Variants in PARP12 observed in about 807,000 individuals in gnomAD.
PARP12 encodes the protein protein mono-ADP-ribosyltransferase PARP12.
A neutral mutation model predicts 72.4 loss-of-function variants in PARP12; 59 were observed. The observed-to-expected ratio is 0.81, with a 90% CI of 0.66 to 1.01. The LOEUF is 1.01. Among genes scored for constraint, PARP12 ranks in the 50% least tolerant of loss-of-function variants. The pLI is 0.00. For missense variants in PARP12, 851 were observed against 914.0 expected (o/e 0.93, Z 0.89); for synonymous variants, 403 against 371.4 (o/e 1.09, Z -0.98).
At chr7:140,031,470 T>C (rs1035275382) in intron 8 of PARP12, among the ~76,000 whole-genome samples, 1 of 152,224 alleles carries the variant, frequency 6.6e-6, no homozygotes, top group African/African-American at 2.4e-5. Context: ...ACCTCATTAA[T>C]TGTGTAAACA....
At chr7:140,050,676 G>A (rs1168920512) in intron 4 of PARP12, among the ~76,000 whole-genome samples, 1 of 152,166 alleles carries the variant, frequency 6.6e-6, no homozygotes, top group Non-Finnish European at 1.5e-5. Flanking sequence ...AGAGTTAAGA[G>A]AACAAGTATT....
At chr7:140,044,373 C>T (rs372037995) in intron 5 of PARP12, among the ~76,000 whole-genome samples, 1 of 151,968 alleles carries the variant, frequency 6.6e-6, no homozygotes, top group Non-Finnish European at 1.5e-5. Flanking sequence ...CCTTTTAAGA[C>T]GAGGGAAATT....
chr7:140,026,018 A>C (rs1385279004), intron 11 of PARP12, among the ~76,000 whole-genome samples, 179 bp downstream of exon 11: 1 of 152,230 alleles, frequency 6.6e-6, no homozygotes, highest in Non-Finnish European at 1.5e-5. Flanking sequence ...CAAGCTCCTG[A>C]CCATGCCCAG....
intron 6 of PARP12, among the ~76,000 whole-genome samples, chr7:140,039,999 G>A (rs1017146641): frequency 1.3e-5 from 2 of 152,218 alleles, no homozygotes; most frequent in African/African-American, 4.8e-5. Flanking sequence ...AACCAGAGCT[G>A]TGATGAGACA....
At chr7:140,030,265 T>C (rs1261982568) in intron 8 of PARP12, among the ~76,000 whole-genome samples, 2 of 152,188 alleles carry the variant, frequency 1.3e-5, no homozygotes, top group Non-Finnish European at 2.9e-5. Context: ...CCCAAAATTC[T>C]ATACCCAGTG....
intron 2 of PARP12, 41 bp downstream of exon 2, chr7:140,057,858 C>T: frequency 2.5e-6 from 4 of 1,611,824 alleles, no homozygotes; most frequent in Non-Finnish European, 3.4e-6. Context: ...ACAGGAATGT[C>T]CCCAGGGAGC....
intron 1 of PARP12, among the ~76,000 whole-genome samples, chr7:140,062,175 C>G (rs1024156411): frequency 2.6e-5 from 4 of 152,128 alleles, no homozygotes; most frequent in Non-Finnish European, 5.9e-5. Flanking sequence ...TCAAAGCTGG[C>G]AAGGGGCGAC....
At chr7:140,037,973 A>T (rs1261200050) in intron 6 of PARP12, 117 bp from the exon 7 acceptor site, 4 of 1,475,940 alleles carry the variant, frequency 2.7e-6, no homozygotes, top group Non-Finnish European at 3.6e-6. Context: ...TGTGGTGGGG[A>T]AGATGGAGGC....
Position 140,062,897 on chromosome 7 carries a change from C to T in PARP12, c.-50G>A. On this transcript the variant is annotated 5_prime_UTR_variant, in exon 1 of 12. Coordinates refer to ENST00000263549, the MANE Select transcript of PARP12 (RefSeq NM_022750.4). ...ACCGCGGGTGGCGCGACGCGGACGGCGGCGGACGCTGGCTGGCGGGCGGCT... is the reference window on the plus strand; with the variant it reads ...ACCGCGGGTGGCGCGACGCGGACGGTGGCGGACGCTGGCTGGCGGGCGGCT... The T allele has an allele frequency of 1.6e-6, 2 of 1,217,054 alleles. No homozygotes were observed. The highest frequency in any genetic ancestry group is 2.0e-6 in the Non-Finnish European group (2 of 976,666). 75.4% of individuals were successfully genotyped at this position (1,217,054 alleles called of 1,614,324 possible). A position where few individuals can be genotyped will look rare whatever the true frequency, so the allele number is the denominator to read the frequency against.
intron 11 of PARP12, among the ~76,000 whole-genome samples, chr7:140,025,943 G>A (rs1321203180): frequency 6.6e-6 from 1 of 152,212 alleles, no homozygotes; most frequent in Non-Finnish European, 1.5e-5. Context: ...CCATCTCCCA[G>A]GGCCTCTGCT....
At chr7:140,056,521 C>T (rs1275268107) in intron 3 of PARP12, among the ~76,000 whole-genome samples, 2 of 152,166 alleles carry the variant, frequency 1.3e-5, no homozygotes, top group Non-Finnish European at 2.9e-5. Flanking sequence ...GAAGAGCATG[C>T]TCTCGTGGGG....
chr7:140,034,613 A>C (rs976026232), intron 7 of PARP12: 6 of 219,322 alleles, frequency 2.7e-5, no homozygotes, highest in Non-Finnish European at 4.6e-5. Context: ...ATCTTGTTTA[A>C]ACCATTATTT....
intron 5 of PARP12, among the ~76,000 whole-genome samples, chr7:140,046,274 C>A (rs536119187): frequency 6.6e-6 from 1 of 152,254 alleles, no homozygotes; most frequent in African/African-American, 2.4e-5. Context: ...ACTCAAAAAG[C>A]AGGCTCAAAT....
chr7:140,043,468 C>G (rs1816581003), intron 5 of PARP12, among the ~76,000 whole-genome samples: 1 of 152,086 alleles, frequency 6.6e-6, no homozygotes, highest in African/African-American at 2.4e-5. Context: ...ATTCATTATT[C>G]TTTTCTTTCT....
chr7:140,035,798 T>C (rs1016228929), intron 7 of PARP12, among the ~76,000 whole-genome samples: 6 of 144,096 alleles, frequency 4.2e-5, no homozygotes, highest in Non-Finnish European at 8.9e-5. Flanking sequence ...AGCCAATTCA[T>C]CTCAAGCTTC....
intron 3 of PARP12, among the ~76,000 whole-genome samples, chr7:140,056,093 C>T (rs1817167087): frequency 6.6e-6 from 1 of 152,222 alleles, no homozygotes; most frequent in Non-Finnish European, 1.5e-5. Flanking sequence ...CAGCCAATGG[C>T]TGATACTGTG....
rs1585123695 is a variant in PARP12, at chr7:140,062,849, G to A, written c.-2C>T. 7.5e-6 allele frequency: 10 copies of A among 1,330,394 alleles called. No individual in the cohort carries two copies. Among genetic ancestry groups the A allele is most frequent in the East Asian group, 3.3e-5 (1 of 30,434 alleles). The allele number at this position is 1,330,394 out of a possible 1,614,324, so 82.4% of individuals were successfully genotyped here. On this transcript the variant is annotated 5_prime_UTR_variant, in exon 1 of 12. Coordinates refer to ENST00000263549, the MANE Select transcript of PARP12 (RefSeq NM_022750.4). Reference sequence around the variant, plus strand: ...ACCGACGACGCCGGCCTGGGCCATGGCCGCTGGGCCTGCTCCCGTCGGACC... The same window carrying A: ...ACCGACGACGCCGGCCTGGGCCATGACCGCTGGGCCTGCTCCCGTCGGACC...
chr7:140,028,672 C>A lies in PARP12; in HGVS notation c.1438G>T (p.Gly480Cys). ...CAATAGTCTGGGATGCTCTTCGGGC[C>A]TGGAAACTTGGTATTGCTACAAAAA... ...TMQTCNTKFPGPKSIPDYWDS... is the reference protein window; with the variant it reads ...TMQTCNTKFPCPKSIPDYWDS... Residue 480 changes from glycine (G) to cysteine (C), a missense_variant, in exon 9 of 12, where the codon GGC becomes TGC. Gly to Cys is a radical substitution (Grantham distance 159, BLOSUM62 -3). This residue lies in a region of PARP12 where 347 missense variants were observed against 396.1 expected (regional missense o/e 0.88). Coordinates refer to ENST00000263549, the MANE Select transcript of PARP12 (RefSeq NM_022750.4). 1 of 1,603,702 alleles carries A rather than the reference C, an allele frequency of 6.2e-7. No individual in the cohort carries two copies.
chr7:140,034,216 G>T lies in PARP12; in HGVS notation c.1421+19C>A. 1 of 1,608,540 alleles carries T rather than the reference G, an allele frequency of 6.2e-7. No homozygotes were observed. Reference sequence around the variant, plus strand: ...CAGCTGATTACATCCTAAGTACCAAGCCCCCCACTGCAACCTACCAGGTTT... The same window carrying T: ...CAGCTGATTACATCCTAAGTACCAATCCCCCCACTGCAACCTACCAGGTTT... On this transcript the variant is annotated intron_variant, in intron 8 of 11. Transcript: ENST00000263549.
Sources: gnomAD v4.1 joint callset for allele counts (sites outside exome capture counted in the v4.1 genomes callset) on GRCh38, gnomAD v4.1.1 for gene constraint, gnomAD v4.1.1 regional missense constraint, MANE v1.5 for transcripts, NCBI Gene and HGNC (gene_info 2026-07-23, HGNC 2026-07-21) for gene names.